TMEM178B: variants seen among roughly 807,000 people sequenced by gnomAD.
TMEM178B encodes transmembrane protein 178B.
TMEM178B carries 5 observed loss-of-function variants against 31.0 expected under a neutral mutation model. The ratio of observed to expected loss-of-function variants is 0.16; its 90% CI spans 0.08 to 0.34. The LOEUF is 0.34. TMEM178B is among the 10% of genes least tolerant of loss of function. The probability of loss-of-function intolerance (pLI) is 1.00; values close to 1 mark genes in which losing one functional copy is unlikely to be tolerated. For missense variants in TMEM178B, 275 were observed against 400.3 expected (o/e 0.69, Z 2.67); for synonymous variants, 164 against 164.0 (o/e 1.00, Z 0.00).
chr7:141,090,256 G>T (rs1794860226), intron 1 of TMEM178B, among the ~76,000 whole-genome samples: 1 of 151,918 alleles, frequency 6.6e-6, no homozygotes, highest in Non-Finnish European at 1.5e-5. Flanking sequence ...TGCAATCATA[G>T]CTCACTGCAG....
intron 2 of TMEM178B, among the ~76,000 whole-genome samples, chr7:141,284,099 T>C (rs1798406577): frequency 6.6e-6 from 1 of 152,204 alleles, no homozygotes; most frequent in Non-Finnish European, 1.5e-5. Context: ...TCTACATGGT[T>C]GATCCTCACA....
chr7:141,371,296 T>TAA (rs142586154), intron 2 of TMEM178B, among the ~76,000 whole-genome samples: 16 of 147,464 alleles, frequency 1.1e-4, no homozygotes, highest in Middle Eastern at 3.4e-3. Flanking sequence ...AGCTGGTTGG[T>TAA]AAAAAAAAAA....
intron 1 of TMEM178B, among the ~76,000 whole-genome samples, chr7:141,142,062 C>A (rs1795777851): frequency 6.6e-6 from 1 of 152,094 alleles, no homozygotes; most frequent in East Asian, 1.9e-4. Flanking sequence ...ATAATTATTC[C>A]ACCCTGTCTC....
chr7:141,383,808 G>T (rs1049308184), intron 2 of TMEM178B, among the ~76,000 whole-genome samples: 6 of 152,164 alleles, frequency 3.9e-5, no homozygotes, highest in African/African-American at 1.4e-4. Flanking sequence ...CTTCTACAAT[G>T]GTTGAACTAG....
intron 2 of TMEM178B, among the ~76,000 whole-genome samples, chr7:141,264,879 A>G (rs1049834311): frequency 6.6e-6 from 1 of 152,242 alleles, no homozygotes; most frequent in East Asian, 1.9e-4. Flanking sequence ...AGTAATGACT[A>G]TTATAATGAT....
intron 2 of TMEM178B, among the ~76,000 whole-genome samples, chr7:141,425,562 A>G (rs1310141557): frequency 6.6e-6 from 1 of 151,948 alleles, no homozygotes; most frequent in Admixed American, 6.6e-5. Flanking sequence ...TCCCTTCTGC[A>G]TTTTCTGCTG....
At position 141,194,526 on chromosome 7, in the gene TMEM178B, C is replaced by T. The variant is rs529696454; in HGVS notation, c.383-18065C>T. Among the ~76,000 whole-genome samples, 8 of 152,288 alleles carry T rather than the reference C, an allele frequency of 5.3e-5. No individual in the cohort carries two copies. In the East Asian group the frequency reaches 1.5e-3, roughly 29 times the overall value. On this transcript the variant is annotated intron_variant, in intron 1 of 3. Transcript: ENST00000565468. ...CATGTTGATGCTAGAGGTGGGTTCC[C>T]ATGGATTTGGGAAGCTCCGCCCCTG...
chr7:141,497,537 C>T, the TMEM178B span, among the ~76,000 whole-genome samples: 1 of 152,152 alleles, frequency 6.6e-6, no homozygotes, highest in Non-Finnish European at 1.5e-5. Flanking sequence ...GTGATTGCTT[C>T]GTGGGCTTTG....
At chr7:141,392,226 T>G (rs907488759) in intron 2 of TMEM178B, among the ~76,000 whole-genome samples, 58 of 152,344 alleles carry the variant, frequency 3.8e-4, no homozygotes, top group Middle Eastern at 3.4e-3. Context: ...ATTGATGATC[T>G]TACATATAGT....
At chr7:141,182,908 A>C (rs981910753) in intron 1 of TMEM178B, among the ~76,000 whole-genome samples, 1 of 152,176 alleles carries the variant, frequency 6.6e-6, no homozygotes, top group Non-Finnish European at 1.5e-5. Context: ...TTCCCTTATA[A>C]ATTACCCAGT....
chr7:141,245,898 T>A (rs1797722951), intron 2 of TMEM178B, among the ~76,000 whole-genome samples: 1 of 152,218 alleles, frequency 6.6e-6, no homozygotes, highest in African/African-American at 2.4e-5. Context: ...CCACTTCTGT[T>A]ATATAAACAA....
In TMEM178B at chr7:141,440,145, G is replaced by T. The variant is rs1201519023; in HGVS notation, c.634+2400G>T. On this transcript the variant is annotated intron_variant, in intron 3 of 3. Coordinates refer to ENST00000565468, the MANE Select transcript of TMEM178B (RefSeq NM_001195278.2). Reference sequence around the variant, plus strand: ...TGTGGGGGCAGTGAGGGATATGATTGTGCCTGGAGCCCTGCCCTTGGACCG... The same window carrying T: ...TGTGGGGGCAGTGAGGGATATGATTTTGCCTGGAGCCCTGCCCTTGGACCG... Among the ~76,000 whole-genome samples the T allele has an allele frequency of 7.9e-5, 12 of 152,238 alleles. 1 individual carries two copies. The East Asian group carries it at 2.3e-3, about 29-fold the overall frequency.
intron 1 of TMEM178B, among the ~76,000 whole-genome samples, chr7:141,162,068 G>A (rs892584242): frequency 6.6e-6 from 1 of 152,178 alleles, no homozygotes; most frequent in Non-Finnish European, 1.5e-5. Flanking sequence ...ATGCCCCACA[G>A]TCAGGTGCCA....
intron 1 of TMEM178B, among the ~76,000 whole-genome samples, chr7:141,164,723 A>T (rs750380462): frequency 6.6e-6 from 1 of 152,156 alleles, no homozygotes; most frequent in Non-Finnish European, 1.5e-5. Flanking sequence ...GTTACAGGTG[A>T]TTTCTCTTTT....
chr7:141,499,639 A>T, the TMEM178B span, among the ~76,000 whole-genome samples: 1 of 151,976 alleles, frequency 6.6e-6, no homozygotes. Flanking sequence ...ACCCTGTCTT[A>T]AAAAAACCAA....
chr7:141,274,612 A>G (rs943245564), intron 2 of TMEM178B, among the ~76,000 whole-genome samples: 2 of 152,230 alleles, frequency 1.3e-5, no homozygotes, highest in Non-Finnish European at 2.9e-5. Flanking sequence ...ATGGCAACCC[A>G]ATCTGCAGGT....
chr7:141,136,108 T>C (rs1328536221), intron 1 of TMEM178B, among the ~76,000 whole-genome samples: 4 of 152,166 alleles, frequency 2.6e-5, no homozygotes, highest in Non-Finnish European at 5.9e-5. Context: ...GGAGGCTTCA[T>C]AGTACCTGTC....
At chr7:141,304,353 G>T (rs1459047971) in intron 2 of TMEM178B, among the ~76,000 whole-genome samples, 1 of 152,090 alleles carries the variant, frequency 6.6e-6, no homozygotes, top group Non-Finnish European at 1.5e-5. Context: ...TCTTCTGAAT[G>T]GGTTCTATGC....
At chr7:141,340,552 T>A (rs1461138340) in intron 2 of TMEM178B, among the ~76,000 whole-genome samples, 1 of 152,238 alleles carries the variant, frequency 6.6e-6, no homozygotes. Context: ...AAAAGTCGCC[T>A]ATATCAAGAG....
Sources: allele counts gnomAD v4.1 joint callset (sites outside exome capture counted in the v4.1 genomes callset), GRCh38; gene constraint gnomAD v4.1.1; transcripts MANE v1.5; gene names NCBI Gene and HGNC (gene_info 2026-07-23, HGNC 2026-07-21).